The following ZBTB4 variants were observed in gnomAD, a reference collection of about 807,000 sequenced individuals.
ZBTB4 encodes zinc finger and BTB domain-containing protein 4.
Under a neutral mutation model 59.8 loss-of-function variants are expected in ZBTB4, and 14 were observed. That is an observed-to-expected ratio of 0.23 (90% confidence interval 0.15 to 0.37). ZBTB4 has a LOEUF of 0.37. Ranked by LOEUF, ZBTB4 falls within the 10% of genes least tolerant of loss-of-function variation. The pLI, the probability that ZBTB4 is intolerant of heterozygous loss-of-function variation, is 1.00. For missense variants in ZBTB4, 1,198 were observed against 1,380.8 expected (o/e 0.87, Z 2.10); for synonymous variants, 587 against 575.2 (o/e 1.02, Z -0.29).
At chr17:7,468,330 G>A (rs1054720666) in intron 1 of ZBTB4, among the ~76,000 whole-genome samples, 2 of 152,000 alleles carry the variant, frequency 1.3e-5, no homozygotes, top group Non-Finnish European at 2.9e-5. Flanking sequence ...ACGAGGTCAC[G>A]CCACTGCACT....
At chr17:7,464,491 G>A (rs111269607) in intron 3 of ZBTB4, among the ~76,000 whole-genome samples, 8,050 of 150,232 alleles carry the variant, frequency 0.054, 339 homozygotes, top group South Asian at 0.13. Context: ...GAGGCAGACC[G>A]GTGAGTGGTG....
chr17:7,462,054 T>C lies in ZBTB4; in HGVS notation c.2928A>G (p.Ala976=). 1 of 1,600,008 alleles carries C rather than the reference T, an allele frequency of 6.2e-7. No individual in the cohort carries two copies. Among genetic ancestry groups the C allele is most frequent in the Non-Finnish European group, 8.5e-7 (1 of 1,172,766 alleles). Residue 976 remains alanine, a synonymous_variant, in exon 4 of 4, where the codon GCA becomes GCG. Coordinates refer to ENST00000380599, the MANE Select transcript of ZBTB4 (RefSeq NM_001128833.2). This position sits in a 1 kb window ranked among gnomAD's most constrained non-coding sequence, Gnocchi z 7.5. ...GVFGYAVNPQ[A]APPAPPTPPP... ...GTGGTGTTGGTGGGGCAGGGGGTGC[T>C]GCTTGAGGATTCACTGCGTAGCCAA...
At chr17:7,464,200 T>C (rs1336749275) in intron 3 of ZBTB4, among the ~76,000 whole-genome samples, 2 of 152,228 alleles carry the variant, frequency 1.3e-5, no homozygotes, top group African/African-American at 4.8e-5. Context: ...CACAAGGCCC[T>C]GCTCGGAATA....
Position 7,462,826 on chromosome 17 carries a change from C to A in ZBTB4, c.2156G>T (p.Arg719Leu). The change falls in exon 4 of 4, where the codon CGT becomes CTT. Residue 719 changes from arginine (R) to leucine (L), a missense_variant. Physicochemically the swap from Arg to Leu is moderately radical, Grantham distance 102. Coordinates refer to ENST00000380599, the MANE Select transcript of ZBTB4 (RefSeq NM_001128833.2). This position sits in a 1 kb window ranked among gnomAD's most constrained non-coding sequence, Gnocchi z 7.5. ...ETPAAESPAG[R>L]ARTERRHRCG... ...TCGGTGCCTCCGCTCTGTGCGGGCA[C>A]GTCCCGCTGGGCTCTCGGCCGCTGG... 1 of 1,603,048 alleles carries A rather than the reference C, an allele frequency of 6.2e-7. No homozygotes were observed. Among genetic ancestry groups the A allele is most frequent in the Non-Finnish European group, 8.5e-7 (1 of 1,179,760 alleles).
At chr17:7,473,389 A>G (rs868827044) in intron 1 of ZBTB4, among the ~76,000 whole-genome samples, 12 of 152,140 alleles carry the variant, frequency 7.9e-5, no homozygotes, top group African/African-American at 2.7e-4. Context: ...TGCAGGGATT[A>G]CAGGCATGAG....
At position 7,459,769 on chromosome 17, in the gene ZBTB4, T is replaced by C. The variant is rs9217; in HGVS notation, c.*2171A>G. 54,788 of 152,310 alleles carry C rather than the reference T, an allele frequency of 0.36. 10,032 individuals carry two copies. The highest frequency in any genetic ancestry group is 0.49 in the South Asian group (2,374 of 4,816). The allele number at this position is 152,310 out of a possible 1,614,324, so 9.4% of individuals were successfully genotyped here. ...CTGGAAGCTATTTTCCTTGATCATA[T>C]TTAAGAAAAAAAAAATGTCTACAAT... On this transcript the variant is annotated 3_prime_UTR_variant, in exon 4 of 4. Coordinates refer to ENST00000380599, the MANE Select transcript of ZBTB4 (RefSeq NM_001128833.2).
Position 7,463,375 on chromosome 17 carries a change from G to A in ZBTB4, c.1607C>T (p.Pro536Leu). 1.2e-6 allele frequency: 2 copies of A among 1,601,598 alleles called. No individual in the cohort carries two copies. Among genetic ancestry groups the A allele is most frequent in the Admixed American group, 1.7e-5 (1 of 57,856 alleles). The stretch of plus-strand genomic sequence containing the variant: ...GGTGGCTGGGCTGACTGCTGTGGCT[G>A]GGCTGGTGGGTGTGGCTGCAGGCTC... The part of the protein sequence containing the change: ...PPEPAATPTS[P>L]ATAVSPATAA... The change falls in exon 4 of 4, where the codon CCA (proline) becomes CTA (leucine). Residue 536 changes from proline to leucine, a missense_variant. Physicochemically the swap from Pro to Leu is moderately conservative, Grantham distance 98 (BLOSUM62 -3). Around this residue, in one of 9 missense-constraint regions of ZBTB4, gnomAD observed 550 missense variants for 541.8 expected, o/e 1.02. Transcript: ENST00000380599.
chr17:7,482,572 T>C (rs2070359677), upstream of ZBTB4: 2 of 1,612,242 alleles, frequency 1.2e-6, no homozygotes, highest in Admixed American at 1.7e-5. Context: ...ATGGGCAGGC[T>C]TTCGTGGGAG....
intron 3 of ZBTB4, among the ~76,000 whole-genome samples, chr17:7,465,319 G>A (rs1462072877): frequency 6.6e-6 from 1 of 151,698 alleles, no homozygotes; most frequent in African/African-American, 2.4e-5. Context: ...AAATTAGCTG[G>A]GCATGGTGGC....
At position 7,472,196 on chromosome 17, in the gene ZBTB4, C is replaced by CT. The variant is rs36010122; in HGVS notation, c.-80-4870dup. ...TCCTTGGCACTTAGTAACACTTTTTCTTTTTTTTTTTTGAGACACAGTCCA... is the reference window on the plus strand; with the variant it reads ...TCCTTGGCACTTAGTAACACTTTTTCTTTTTTTTTTTTTGAGACACAGTCCA... On this transcript the variant is annotated intron_variant, in intron 1 of 3. Transcript: ENST00000380599. Among the ~76,000 whole-genome samples, 196 of 145,558 alleles carry CT rather than the reference C, an allele frequency of 1.3e-3. 1 individual carries two copies. Among genetic ancestry groups the CT allele is most frequent in the East Asian group, 3.2e-3 (16 of 5,030 alleles).
At chr17:7,467,463 G>A (rs2070143863) in intron 1 of ZBTB4, 136 bp from the exon 2 acceptor site, 2 of 163,178 alleles carry the variant, frequency 1.2e-5, no homozygotes, top group South Asian at 4.0e-4. Flanking sequence ...ACACCTGGGT[G>A]AGCCCAGACC....
upstream of ZBTB4, chr17:7,481,964 C>G (rs1474435018): frequency 2.6e-6 from 4 of 1,567,858 alleles, no homozygotes; most frequent in Non-Finnish European, 3.5e-6. Context: ...TGCTGTCTAC[C>G]CTGAGCTCCT....
chr17:7,482,847 C>G, upstream of ZBTB4: 6 of 1,612,034 alleles, frequency 3.7e-6, no homozygotes, highest in Non-Finnish European at 5.1e-6. Context: ...GTCCTGCATT[C>G]CGAGGTGGTG....
At chr17:7,478,458 T>G (rs1266470908) in intron 1 of ZBTB4, among the ~76,000 whole-genome samples, 1 of 151,862 alleles carries the variant, frequency 6.6e-6, no homozygotes, top group Admixed American at 6.6e-5. Flanking sequence ...ATCGCCCTCT[T>G]CACCACTGGA....
Position 7,463,895 on chromosome 17 carries a change from G to T in ZBTB4, c.1092-5C>A. 6.2e-7 allele frequency: 1 copy of T among 1,611,048 alleles called. No individual in the cohort carries two copies. Among genetic ancestry groups the T allele is most frequent in the Non-Finnish European group, 8.5e-7 (1 of 1,178,802 alleles). ...CAACAGAAGATGCACTGGTACCTGG[G>T]TCAGGACAGCAGGGAATAGGGCAGG... is the stretch of plus-strand genomic sequence containing the variant. On this transcript the variant is annotated splice_region_variant and splice_polypyrimidine_tract_variant and intron_variant, in intron 3 of 3. Coordinates refer to ENST00000380599, the MANE Select transcript of ZBTB4 (RefSeq NM_001128833.2).
At position 7,463,029 on chromosome 17, in the gene ZBTB4, A is replaced by ATCCTCC; in HGVS notation, c.1947_1952dup (p.Glu649_Glu650dup). 1 of 1,608,708 alleles carries ATCCTCC rather than the reference A, an allele frequency of 6.2e-7. No homozygotes were observed. The highest frequency in any genetic ancestry group is 8.5e-7 in the Non-Finnish European group (1 of 1,178,836). On this transcript the variant is annotated inframe_insertion, in exon 4 of 4. Transcript: ENST00000380599. The stretch of plus-strand genomic sequence containing the variant: ...CCCCACCAGCCTTTGATTCCTCCTC[A>ATCCTCC]TCCTCCTCCTCCTCCTCTTCGTCCT...
Position 7,466,294 on chromosome 17 carries a change from G to A in ZBTB4, c.508C>T (p.Leu170=), listed in dbSNP as rs758417298. The part of the protein sequence containing the change: ...VAEIGALGRR[L]GISRLQGLGE... ...AGGCCCTGAAGGCGGGAGATGCCCA[G>A]ACGGCGCCCCAAAGCTCCAATCTCT... Residue 170 remains leucine (L), a synonymous_variant, in exon 3 of 4, where the codon CTG becomes TTG. Transcript: ENST00000380599. This position sits in a 1 kb window ranked among gnomAD's most constrained non-coding sequence, Gnocchi z 9.1. 1.2e-5 allele frequency: 20 copies of A among 1,613,544 alleles called. No individual in the cohort carries two copies. In the African/African-American group the frequency reaches 2.5e-4, roughly 20 times the overall value.
At chr17:7,475,802 C>T (rs1245044587) in intron 1 of ZBTB4, among the ~76,000 whole-genome samples, 3 of 152,168 alleles carry the variant, frequency 2.0e-5, no homozygotes, top group South Asian at 2.1e-4. Context: ...TACTCGAGGT[C>T]GCACAGCTTG....
rs1038213618 is a variant in ZBTB4 at position 7,467,272 on chromosome 17, A to C, written c.-25T>G. ...ACCTTCTCACCTGAGAGCACAGCCA[A>C]CATGGAGTGGGGCGGGGGGTGGCTC... On this transcript the variant is annotated 5_prime_UTR_variant, in exon 2 of 4. Coordinates refer to ENST00000380599, the MANE Select transcript of ZBTB4 (RefSeq NM_001128833.2). The C allele has an allele frequency of 4.0e-6, 4 of 989,738 alleles. No individual in the cohort carries two copies. The highest frequency in any genetic ancestry group is 1.7e-5 in the African/African-American group (1 of 57,408). The allele number at this position is 989,738 out of a possible 1,614,324, so 61.3% of individuals were successfully genotyped here. A position where few individuals can be genotyped will look rare whatever the true frequency, so the allele number is the denominator to read the frequency against.
Sources: allele counts gnomAD v4.1 joint callset (sites outside exome capture counted in the v4.1 genomes callset), GRCh38; gene constraint gnomAD v4.1.1; regional missense constraint gnomAD v4.1.1; non-coding constraint Gnocchi (gnomAD v3.1); transcripts MANE v1.5; gene names NCBI Gene and HGNC (gene_info 2026-07-23, HGNC 2026-07-21).